SLC8A1: variants seen among roughly 807,000 people sequenced by gnomAD.
The protein encoded by SLC8A1 is solute carrier family 8 member A1.
A neutral mutation model predicts 68.3 loss-of-function variants in SLC8A1; 18 were observed. The observed-to-expected ratio is 0.26, with a 90% CI of 0.18 to 0.39. SLC8A1 has a LOEUF of 0.39. Ranked by LOEUF, SLC8A1 falls within the 10% of genes least tolerant of loss-of-function variation. The pLI is 1.00. For synonymous variants in SLC8A1, 475 were observed against 415.5 expected (o/e 1.14, Z -1.74); for missense variants, 985 against 1,156.7 (o/e 0.85, Z 2.15).
intron 1 of SLC8A1, among the ~76,000 whole-genome samples, chr2:40,460,900 A>G (rs1476944705): frequency 6.6e-6 from 1 of 152,090 alleles, no homozygotes; most frequent in East Asian, 1.9e-4. Context: ...AGTAAGTGCT[A>G]TGGCCGGATA....
At chr2:40,228,089 T>A (rs1207992546) in intron 2 of SLC8A1, among the ~76,000 whole-genome samples, 1 of 152,194 alleles carries the variant, frequency 6.6e-6, no homozygotes. Context: ...AAAAAACCAT[T>A]TGTCTTGAGG....
In SLC8A1 at chr2:40,500,806, T is replaced by C. The variant is rs180948783; in HGVS notation, c.-25+11543A>G. On this transcript the variant is annotated intron_variant, in intron 1 of 7. Coordinates refer to the SLC8A1 transcript ENST00000402441. Reference sequence around the variant, plus strand: ...GTATTATCATCTGACTTTTTTTTTTTTTTTTTTTTTTTTTTTTTGGCTTTT... The same window carrying C: ...GTATTATCATCTGACTTTTTTTTTTCTTTTTTTTTTTTTTTTTTGGCTTTT... Among the ~76,000 whole-genome samples the C allele has an allele frequency of 9.5e-3, 1,267 of 133,502 alleles. 25 individuals are homozygous for C. The highest frequency in any genetic ancestry group is 0.081 in the South Asian group (327 of 4,034). The allele number at this position is 133,502 out of a possible 152,430, so 87.6% of individuals were successfully genotyped here.
At chr2:40,256,473 C>T (rs924955330) in intron 2 of SLC8A1, among the ~76,000 whole-genome samples, 6 of 152,194 alleles carry the variant, frequency 3.9e-5, no homozygotes, top group African/African-American at 1.2e-4. Flanking sequence ...GACAGACAGT[C>T]CTCTTTTCAA....
intron 1 of SLC8A1, among the ~76,000 whole-genome samples, chr2:40,490,617 TG>T (rs1705252309): frequency 6.6e-6 from 1 of 152,170 alleles, no homozygotes; most frequent in Non-Finnish European, 1.5e-5. Context: ...AACATCATAA[TG>T]TTTTTAGATG....
intron 2 of SLC8A1, among the ~76,000 whole-genome samples, chr2:40,263,719 G>T (rs1257958073): frequency 1.3e-5 from 2 of 151,748 alleles, no homozygotes; most frequent in Non-Finnish European, 1.5e-5. Context: ...ATTCAAGATG[G>T]ATTAAAGACC....
chr2:40,111,929 T>C (rs531172023), exon 8 of SLC8A1: 1 of 152,264 alleles, frequency 6.6e-6, no homozygotes, highest in African/African-American at 2.4e-5. Flanking sequence ...GGAAAGGATG[T>C]AGATAGAGTC....
intron 2 of SLC8A1, among the ~76,000 whole-genome samples, chr2:40,355,075 C>T (rs1672265684): frequency 6.6e-6 from 1 of 152,092 alleles, no homozygotes; most frequent in Admixed American, 6.6e-5. Context: ...TAAAGATAAG[C>T]AAGCTCTTGT....
intron 2 of SLC8A1, among the ~76,000 whole-genome samples, chr2:40,261,966 C>CTTTTT (rs35330106): frequency 8.9e-4 from 127 of 142,096 alleles, no homozygotes; most frequent in South Asian, 9.1e-4. Flanking sequence ...TGTCTTTTCA[C>CTTTTT]TTTTTTTTTT....
intron 7 of SLC8A1, among the ~76,000 whole-genome samples, chr2:40,122,201 CGCGCGCACACACACACACACACACGT>C (rs765142213): frequency 3.6e-4 from 53 of 146,096 alleles, no homozygotes; most frequent in African/African-American, 1.0e-3. Context: ...AGTGCATGCG[CGCGCGCACACACACACACACACACGT>C]GTGCGCGCGC....
intron 2 of SLC8A1, among the ~76,000 whole-genome samples, chr2:40,231,352 G>C (rs766950562): frequency 6.6e-6 from 1 of 152,064 alleles, no homozygotes. Context: ...CATCTAATTG[G>C]GGATATACCT....
At chr2:40,434,654 C>T (rs541204410) in intron 1 of SLC8A1, among the ~76,000 whole-genome samples, 2 of 152,278 alleles carry the variant, frequency 1.3e-5, no homozygotes, top group African/African-American at 2.4e-5. Context: ...CAGATCAACT[C>T]GTACAACTGT....
At chr2:40,385,573 G>GA (rs1307095276) in intron 2 of SLC8A1, among the ~76,000 whole-genome samples, 1 of 150,778 alleles carries the variant, frequency 6.6e-6, no homozygotes, top group Non-Finnish European at 1.5e-5. Context: ...TATCAACAAG[G>GA]AAAAAAATGT....
At chr2:40,471,362 G>A (rs976924803) in intron 1 of SLC8A1, among the ~76,000 whole-genome samples, 10 of 151,794 alleles carry the variant, frequency 6.6e-5, no homozygotes, top group African/African-American at 1.9e-4. Flanking sequence ...AGTCCTACCT[G>A]ACAAGCCTGT....
chr2:40,204,008 G>A (rs1160556467), intron 2 of SLC8A1, among the ~76,000 whole-genome samples: 1 of 151,968 alleles, frequency 6.6e-6, no homozygotes, highest in East Asian at 1.9e-4. Flanking sequence ...GAGCCACCGT[G>A]CCCAGCTGGT....
intron 2 of SLC8A1, among the ~76,000 whole-genome samples, chr2:40,320,543 A>C (rs115318498): frequency 0.013 from 1,969 of 152,302 alleles, 40 homozygotes; most frequent in African/African-American, 0.045. Flanking sequence ...TTTGCCTAAA[A>C]TCAGACGTTT....
At chr2:40,492,951 T>A (rs1193218032) in intron 1 of SLC8A1, among the ~76,000 whole-genome samples, 1 of 152,022 alleles carries the variant, frequency 6.6e-6, no homozygotes, top group African/African-American at 2.4e-5. Flanking sequence ...TCCTCAGGGA[T>A]CTAGAACTAG....
intron 1 of SLC8A1, among the ~76,000 whole-genome samples, chr2:40,464,653 G>T (rs1703554706): frequency 6.6e-6 from 1 of 152,184 alleles, no homozygotes; most frequent in African/African-American, 2.4e-5. Context: ...TGTCACTGGA[G>T]AGGTATTTAA....
chr2:40,401,401 A>C (rs191171010), intron 2 of SLC8A1, among the ~76,000 whole-genome samples: 33 of 151,354 alleles, frequency 2.2e-4, no homozygotes, highest in Non-Finnish European at 2.5e-4. Flanking sequence ...CTAAATCTCC[A>C]TGTTACCTGT....
intron 7 of SLC8A1, among the ~76,000 whole-genome samples, chr2:40,119,010 T>C (rs945934572): frequency 1.3e-5 from 2 of 152,134 alleles, no homozygotes; most frequent in Admixed American, 1.3e-4. Flanking sequence ...CAAAGACTCC[T>C]GGGTCTGGGG....
Sources: gnomAD v4.1 joint callset for allele counts (sites outside exome capture counted in the v4.1 genomes callset) on GRCh38, gnomAD v4.1.1 for gene constraint, MANE v1.5 for transcripts, NCBI Gene and HGNC (gene_info 2026-07-23, HGNC 2026-07-21) for gene names.